Variants in TRIM41 observed in about 807,000 individuals in gnomAD.
TRIM41 encodes E3 ubiquitin-protein ligase TRIM41.
A neutral mutation model predicts 60.6 loss-of-function variants in TRIM41; 21 were observed. The ratio of observed to expected loss-of-function variants is 0.35; its 90% CI spans 0.25 to 0.50. The LOEUF (loss-of-function observed/expected upper bound fraction) is 0.50. Among genes scored for constraint, TRIM41 ranks in the 20% least tolerant of loss-of-function variants. The pLI is 0.98. For synonymous variants in TRIM41, 407 were observed against 344.9 expected, an observed-to-expected ratio of 1.18 and a Z score of -2.00; for missense variants, 846 against 868.3, an observed-to-expected ratio of 0.97 and a Z score of 0.32.
Position 181,234,256 on chromosome 5 carries a change from G to C in TRIM41, c.1374G>C (p.Arg458=), listed in dbSNP as rs185272. Residue 458 remains arginine (R), a synonymous_variant, in exon 6 of 6, where the codon CGG becomes CGC. Transcript: ENST00000315073. This position sits in a 1 kb window ranked among gnomAD's most constrained non-coding sequence, Gnocchi z 5.6. ...GCCGGGGGGTCCGCCTGGCAGAGCG[G>C]CGGCAGGAGGTTGCTGACCATCCCA... The part of the protein sequence containing the change: ...PDRRGVRLAE[R]RQEVADHPKR... The C allele has an allele frequency of 0.039, 63,631 of 1,613,144 alleles. 1,457 individuals carry two copies. The highest frequency in any genetic ancestry group is 0.047 in the Non-Finnish European group (55,730 of 1,179,918).
chr5:181,230,775 G>C lies in TRIM41; in HGVS notation c.845G>C (p.Arg282Thr). The change falls in exon 2 of 6, where the codon AGG becomes ACG. Residue 282 changes from arginine to threonine, a missense_variant. By Grantham distance (71) the Arg-to-Thr change is moderately conservative. Coordinates refer to ENST00000315073, the MANE Select transcript of TRIM41 (RefSeq NM_033549.5). ...AKLQGHVEPL[R>T]KHLEAVQKMK... ...CTGCAGGGGCACGTGGAACCACTGA[G>C]GAAGCACCTGGAGGCAGTGCAGAAG... is the stretch of plus-strand genomic sequence containing the variant. 6.2e-7 allele frequency: 1 copy of C among 1,613,302 alleles called. No homozygotes were observed. Among genetic ancestry groups the C allele is most frequent in the Non-Finnish European group, 8.5e-7 (1 of 1,179,502 alleles).
Position 181,234,477 on chromosome 5 carries a change from A to G in TRIM41, c.1595A>G (p.His532Arg), listed in dbSNP as rs900855880. The change falls in exon 6 of 6, where the codon CAT (histidine) becomes CGT (arginine). Residue 532 changes from histidine (H) to arginine (R), a missense_variant. By Grantham distance (29) the His-to-Arg change is conservative. Coordinates refer to ENST00000315073, the MANE Select transcript of TRIM41 (RefSeq NM_033549.5). This position sits in a 1 kb window ranked among gnomAD's most constrained non-coding sequence, Gnocchi z 5.6. ...SGDASSSRHH[H>R]RRRRLHLPQQ... is the part of the protein sequence containing the mutation. ...GATGCCAGCTCCTCGCGCCATCACC[A>G]TCGCCGCCGCCGGCTCCACCTGCCC... is the stretch of plus-strand genomic sequence containing the variant. 2 of 1,613,402 alleles carry G rather than the reference A, an allele frequency of 1.2e-6. No homozygotes were observed. The highest frequency in any genetic ancestry group is 1.7e-6 in the Non-Finnish European group (2 of 1,179,636).
intron 1 of TRIM41, chr5:181,230,062 G>A (rs1758722642): frequency 2.0e-5 from 3 of 152,212 alleles, no homozygotes; most frequent in South Asian, 2.1e-4. Context: ...AAGAGTTCTG[G>A]GGAAGATCGC....
chr5:181,234,973 C>CA lies in TRIM41; in HGVS notation c.*199dup, dbSNP rs763891109. 1.2e-6 allele frequency: 2 copies of CA among 1,614,012 alleles called. No homozygotes were observed. The highest frequency in any genetic ancestry group is 2.7e-5 in the African/African-American group (2 of 74,928). On this transcript the variant is annotated 3_prime_UTR_variant, in exon 6 of 6. Coordinates refer to ENST00000315073, the MANE Select transcript of TRIM41 (RefSeq NM_033549.5). This position sits in a 1 kb window ranked among gnomAD's most constrained non-coding sequence, Gnocchi z 5.6. ...CCTGGCCTCCAGCTCAGCCTTCTCT[C>CA]ACCTACTATGTCTGTCCAACAGGTC... is the stretch of plus-strand genomic sequence containing the variant.
Position 181,235,296 on chromosome 5 carries a change from TCTC to T in TRIM41, c.*524_*526del. 3 of 1,613,962 alleles carry T rather than the reference TCTC, an allele frequency of 1.9e-6. No individual in the cohort carries two copies. The highest frequency in any genetic ancestry group is 2.2e-5 in the South Asian group (2 of 91,046). On this transcript the variant is annotated 3_prime_UTR_variant, in exon 6 of 6. Transcript: ENST00000315073. ...GTAGAGCTGGGTAATAAATGTCTATTCTCCTGGGGAGGAGGGATTCTAAACTTT... is the reference window on the plus strand; with the variant it reads ...GTAGAGCTGGGTAATAAATGTCTATTCTGGGGAGGAGGGATTCTAAACTTT...
intron 1 of TRIM41, chr5:181,225,161 TG>T: frequency 3.1e-6 from 1 of 324,330 alleles, no homozygotes; most frequent in Non-Finnish European, 5.9e-6. Context: ...TGGAAAGAAC[TG>T]GGGGCTTCAA....
rs754125898 is a variant in TRIM41, at chr5:181,234,392, C to T, written c.1510C>T (p.Arg504Cys). Reference protein sequence around the residue: ...GRRGWAVGAARESTHHKEKVG... With the variant: ...GRRGWAVGAACESTHHKEKVG... ...GCGGGGCTGGGCGGTGGGTGCTGCCCGTGAATCAACCCATCATAAGGAAAA... is the reference window on the plus strand; with the variant it reads ...GCGGGGCTGGGCGGTGGGTGCTGCCTGTGAATCAACCCATCATAAGGAAAA... Residue 504 changes from arginine (R) to cysteine (C), a missense_variant, in exon 6 of 6, where the codon CGT (arginine) becomes TGT (cysteine). By Grantham distance (180) the Arg-to-Cys change is radical. Coordinates refer to ENST00000315073, the MANE Select transcript of TRIM41 (RefSeq NM_033549.5). The surrounding 1 kb of genome is among the most constrained non-coding windows in gnomAD (Gnocchi z 5.6). 3.4e-5 allele frequency: 53 copies of T among 1,552,994 alleles called. No homozygotes were observed. The highest frequency in any genetic ancestry group is 1.5e-4 in the East Asian group (6 of 41,108).
chr5:181,234,319 G>A lies in TRIM41; in HGVS notation c.1437G>A (p.Gln479=), dbSNP rs1444242888. Residue 479 remains glutamine (Q), a synonymous_variant, in exon 6 of 6, where the codon CAG becomes CAA. Transcript: ENST00000315073. This position sits in a 1 kb window ranked among gnomAD's most constrained non-coding sequence, Gnocchi z 5.6. ...CCGACTGCTGCGTACTGGGGGCCCA[G>A]GGCTTCCGCTCCGGCCGGCACTACT... ...FSADCCVLGA[Q]GFRSGRHYWE... 6.2e-7 allele frequency: 1 copy of A among 1,612,052 alleles called. No individual in the cohort carries two copies. Among genetic ancestry groups the A allele is most frequent in the African/African-American group, 1.3e-5 (1 of 75,028 alleles).
chr5:181,233,072 C>A lies in TRIM41; in HGVS notation c.1140+183C>A. On this transcript the variant is annotated intron_variant, in intron 3 of 5. Transcript: ENST00000315073. This position sits in a 1 kb window ranked among gnomAD's most constrained non-coding sequence, Gnocchi z 4.1. Reference sequence around the variant, plus strand: ...TTAATGTCGAATGTGGTATGTGTGGCGATTATACCCAGTGAAAAGCATGAA... The same window carrying A: ...TTAATGTCGAATGTGGTATGTGTGGAGATTATACCCAGTGAAAAGCATGAA... 1 of 744,180 alleles carries A rather than the reference C, an allele frequency of 1.3e-6. No individual in the cohort carries two copies. The highest frequency in any genetic ancestry group is 1.7e-5 in the African/African-American group (1 of 58,060). The allele number at this position is 744,180 out of a possible 1,614,324, so 46.1% of individuals were successfully genotyped here.
chr5:181,232,759 A>C lies in TRIM41; in HGVS notation c.1010A>C (p.Glu337Ala). Reference sequence around the variant, plus strand: ...GCAGGGCTGGAACGGCGTCTCAGAGAGATGCATGAAGCCCAGCTGGGGCGT... The same window carrying C: ...GCAGGGCTGGAACGGCGTCTCAGAGCGATGCATGAAGCCCAGCTGGGGCGT... ...EQAGLERRLR[E>A]MHEAQLGRAG... The change falls in exon 3 of 6, where the codon GAG becomes GCG. Residue 337 changes from glutamate (E) to alanine (A), a missense_variant. Glu to Ala is a moderately radical substitution (Grantham distance 107). Coordinates refer to ENST00000315073, the MANE Select transcript of TRIM41 (RefSeq NM_033549.5). The C allele has an allele frequency of 6.2e-7, 1 of 1,613,618 alleles. No homozygotes were observed. The highest frequency in any genetic ancestry group is 1.3e-5 in the African/African-American group (1 of 75,042).
chr5:181,234,966 CT>C lies in TRIM41; in HGVS notation c.*193del. 1 of 1,614,122 alleles carries C rather than the reference CT, an allele frequency of 6.2e-7. No homozygotes were observed. The highest frequency in any genetic ancestry group is 1.6e-4 in the Middle Eastern group (1 of 6,062). On this transcript the variant is annotated 3_prime_UTR_variant, in exon 6 of 6. Coordinates refer to ENST00000315073, the MANE Select transcript of TRIM41 (RefSeq NM_033549.5). This position sits in a 1 kb window ranked among gnomAD's most constrained non-coding sequence, Gnocchi z 5.6. Reference sequence around the variant, plus strand: ...GAACCCTCCTGGCCTCCAGCTCAGCCTTCTCTCACCTACTATGTCTGTCCAA... The same window carrying C: ...GAACCCTCCTGGCCTCCAGCTCAGCCTCTCTCACCTACTATGTCTGTCCAA...
Position 181,232,668 on chromosome 5 carries a change from A to G in TRIM41, c.919A>G (p.Lys307Glu). 6.2e-7 allele frequency: 1 copy of G among 1,613,678 alleles called. No homozygotes were observed. The highest frequency in any genetic ancestry group is 1.1e-5 in the South Asian group (1 of 91,018). Residue 307 changes from lysine to glutamate, a missense_variant, in exon 3 of 6, where the codon AAG becomes GAG. Physicochemically the swap from Lys to Glu is moderately conservative, Grantham distance 56 (BLOSUM62 1). Coordinates refer to ENST00000315073, the MANE Select transcript of TRIM41 (RefSeq NM_033549.5). ...RRVTELKSQM[K>E]SELAAVASEF... ...CTTTGCACCATTCCAGAGCCAGATG[A>G]AGTCAGAGCTGGCAGCGGTGGCCTC...
Position 181,234,212 on chromosome 5 carries a change from C to A in TRIM41, c.1330C>A (p.Leu444Met). The A allele has an allele frequency of 1.2e-6, 2 of 1,613,198 alleles. 1 individual carries two copies. Among genetic ancestry groups the A allele is most frequent in the Non-Finnish European group, 1.7e-6 (2 of 1,179,974 alleles). ...GGACCCTGACACGGCTCACCCGGCC[C>A]TGATGCTGTCCCCTGACCGCCGGGG... ...TLDPDTAHPA[L>M]MLSPDRRGVR... Residue 444 changes from leucine (L) to methionine (M), a missense_variant, in exon 6 of 6, where the codon CTG becomes ATG. Leu to Met is a conservative substitution (Grantham distance 15). Transcript: ENST00000315073. This position sits in a 1 kb window ranked among gnomAD's most constrained non-coding sequence, Gnocchi z 5.6.
At position 181,224,829 on chromosome 5, in the gene TRIM41, G is replaced by C; in HGVS notation, c.813+17G>C. ...GAGTACAAGGTGAGAGAAGTACAGA[G>C]AGAAGATGGGAGTTTAGTGGGGGGA... On this transcript the variant is annotated intron_variant, in intron 1 of 5. Coordinates refer to ENST00000315073, the MANE Select transcript of TRIM41 (RefSeq NM_033549.5). 8 of 1,614,110 alleles carry C rather than the reference G, an allele frequency of 5.0e-6. No individual in the cohort carries two copies. The highest frequency in any genetic ancestry group is 6.8e-6 in the Non-Finnish European group (8 of 1,180,026).
chr5:181,234,857 A>G lies in TRIM41; in HGVS notation c.*82A>G, dbSNP rs1759008756. 26 of 1,610,118 alleles carry G rather than the reference A, an allele frequency of 1.6e-5. No individual in the cohort carries two copies. Among genetic ancestry groups the G allele is most frequent in the Non-Finnish European group, 2.1e-5 (25 of 1,178,944 alleles). ...GGTGGCCCGTAAGTTTGAGGGCTCA[A>G]AGGCTCTTCCCACTGCTTGTTACTG... is the stretch of plus-strand genomic sequence containing the variant. On this transcript the variant is annotated 3_prime_UTR_variant, in exon 6 of 6. Coordinates refer to ENST00000315073, the MANE Select transcript of TRIM41 (RefSeq NM_033549.5). This position sits in a 1 kb window ranked among gnomAD's most constrained non-coding sequence, Gnocchi z 5.6.
In TRIM41 at chr5:181,234,824, T is replaced by G. The variant is rs200673029; in HGVS notation, c.*49T>G. The G allele has an allele frequency of 1.6e-4, 261 of 1,605,498 alleles. 3 individuals carry two copies. The East Asian group carries it at 5.7e-3, about 35-fold the overall frequency. The stretch of plus-strand genomic sequence containing the variant: ...CCTCTGTCAGCACTTGGGGGGTGGG[T>G]GGTGGAGGGTGGCCCGTAAGTTTGA... On this transcript the variant is annotated 3_prime_UTR_variant, in exon 6 of 6. Transcript: ENST00000315073. This position sits in a 1 kb window ranked among gnomAD's most constrained non-coding sequence, Gnocchi z 5.6.
Position 181,234,323 on chromosome 5 carries a change from T to A in TRIM41, c.1441T>A (p.Phe481Ile), listed in dbSNP as rs1758962818. The change falls in exon 6 of 6, where the codon TTC becomes ATC. Residue 481 changes from phenylalanine (F) to isoleucine (I), a missense_variant. By Grantham distance (21) the Phe-to-Ile change is conservative. Coordinates refer to ENST00000315073, the MANE Select transcript of TRIM41 (RefSeq NM_033549.5). This position sits in a 1 kb window ranked among gnomAD's most constrained non-coding sequence, Gnocchi z 5.6. Reference sequence around the variant, plus strand: ...CTGCTGCGTACTGGGGGCCCAGGGCTTCCGCTCCGGCCGGCACTACTGGGA... The same window carrying A: ...CTGCTGCGTACTGGGGGCCCAGGGCATCCGCTCCGGCCGGCACTACTGGGA... Reference protein sequence around the residue: ...ADCCVLGAQGFRSGRHYWEVE... With the variant: ...ADCCVLGAQGIRSGRHYWEVE... The A allele has an allele frequency of 1.2e-6, 2 of 1,611,676 alleles. No individual in the cohort carries two copies. The highest frequency in any genetic ancestry group is 2.7e-5 in the African/African-American group (2 of 74,908).
In TRIM41 at chr5:181,234,095, G is replaced by C; in HGVS notation, c.1292-79G>C. The C allele has an allele frequency of 1.3e-6, 2 of 1,596,684 alleles. No individual in the cohort carries two copies. The highest frequency in any genetic ancestry group is 2.2e-5 in the South Asian group (2 of 90,910). On this transcript the variant is annotated intron_variant, in intron 5 of 5. Coordinates refer to ENST00000315073, the MANE Select transcript of TRIM41 (RefSeq NM_033549.5). This position sits in a 1 kb window ranked among gnomAD's most constrained non-coding sequence, Gnocchi z 5.6. The stretch of plus-strand genomic sequence containing the variant: ...GGGAGCTGGATTCAGGGAGAAAGGG[G>C]GCCCAATCTGTGGAGTTGGCTGCTG...
rs568085712 is a variant in TRIM41, at chr5:181,233,163, A to G, written c.1141-250A>G. On this transcript the variant is annotated intron_variant, in intron 3 of 5. Coordinates refer to ENST00000315073, the MANE Select transcript of TRIM41 (RefSeq NM_033549.5). This position sits in a 1 kb window ranked among gnomAD's most constrained non-coding sequence, Gnocchi z 4.1. ...GTCTTTTTGACAGTGACATCCTGAA[A>G]AAGGTGAGCAAGTCGTATTGTGGAA... 1 of 712,874 alleles carries G rather than the reference A, an allele frequency of 1.4e-6. No homozygotes were observed. The highest frequency in any genetic ancestry group is 1.7e-5 in the African/African-American group (1 of 57,500). 44.2% of individuals were successfully genotyped at this position (712,874 alleles called of 1,614,324 possible). A position where few individuals can be genotyped will look rare whatever the true frequency, so the allele number is the denominator to read the frequency against.
Sources: allele counts gnomAD v4.1 joint callset, GRCh38; gene constraint gnomAD v4.1.1; non-coding constraint Gnocchi (gnomAD v3.1); transcripts MANE v1.5; gene names NCBI Gene and HGNC (gene_info 2026-07-23, HGNC 2026-07-21).